Variants in KIF1B observed in about 807,000 individuals in gnomAD.
KIF1B encodes kinesin family member 1B, also known as kinesin-like protein KIF1B.
KIF1B carries 76 observed loss-of-function variants against 241.9 expected under a neutral mutation model. The ratio of observed to expected loss-of-function variants is 0.31; its 90% CI spans 0.26 to 0.38. KIF1B has a LOEUF of 0.38. KIF1B is among the 10% of genes least tolerant of loss of function. The pLI, the probability that KIF1B is intolerant of heterozygous loss-of-function variation, is 1.00. For missense variants in KIF1B, 1,622 were observed against 2,271.4 expected (o/e 0.71, Z 5.81); for synonymous variants, 750 against 796.7 (o/e 0.94, Z 0.99).
At chr1:10,307,728 AGT>A in intron 22 of KIF1B, 4 of 1,030,366 alleles carry the variant, frequency 3.9e-6, no homozygotes, top group Non-Finnish European at 4.7e-6. Flanking sequence ...ATTATAGCAA[AGT>A]GGGAAAAAAG....
rs554738044 is a variant in KIF1B, at chr1:10,235,626, C to T, written c.106+3192C>T. Reference sequence around the variant, plus strand: ...CTGTAATCCCTGCACTTTGGGAGGCCGAGGTGGGTGGATCACCTGAGGTCA... The same window carrying T: ...CTGTAATCCCTGCACTTTGGGAGGCTGAGGTGGGTGGATCACCTGAGGTCA... On this transcript the variant is annotated intron_variant, in intron 2 of 48. Transcript: ENST00000676179. Among the ~76,000 whole-genome samples the T allele has an allele frequency of 4.0e-5, 6 of 151,088 alleles. No individual in the cohort carries two copies. The South Asian group carries it at 1.0e-3, about 26-fold the overall frequency.
Position 10,365,440 on chromosome 1 carries a change from G to C in KIF1B, c.4544G>C (p.Arg1515Pro). 6.2e-7 allele frequency: 1 copy of C among 1,614,144 alleles called. No homozygotes were observed. Among genetic ancestry groups the C allele is most frequent in the Non-Finnish European group, 8.5e-7 (1 of 1,180,038 alleles). Residue 1515 changes from arginine (R) to proline (P), a missense_variant, in exon 43 of 49, where the codon CGT (arginine) becomes CCT (proline). Physicochemically the swap from Arg to Pro is moderately radical, Grantham distance 103. Transcript: ENST00000676179. The surrounding 1 kb of genome is among the most constrained non-coding windows in gnomAD (Gnocchi z 4.0). ...VEKTRHFLLL[R>P]ERLGDSIPKS... is the part of the protein sequence containing the mutation. ...AAAACCCGCCACTTTTTGCTGCTGC[G>C]TGAGAGACTTGGTGACAGCATCCCC... is the stretch of plus-strand genomic sequence containing the variant.
intron 14 of KIF1B, among the ~76,000 whole-genome samples, chr1:10,280,544 C>G (rs1020194543): frequency 6.6e-6 from 1 of 152,100 alleles, no homozygotes; most frequent in Non-Finnish European, 1.5e-5. Flanking sequence ...ACCTGAGTTG[C>G]TTATTTCTAC....
In KIF1B at chr1:10,336,610, C is replaced by A. The variant is rs60373062; in HGVS notation, c.3044-47C>A. 6.1e-5 allele frequency: 88 copies of A among 1,442,424 alleles called. 1 individual carries two copies. The East Asian group carries it at 1.7e-3, about 29-fold the overall frequency. 89.4% of individuals were successfully genotyped at this position (1,442,424 alleles called of 1,614,324 possible). ...AGCAAGAGCTTTTTCCCTCCCTCCC[C>A]CTGTGTAGTCTCACTCAATTCTTGC... On this transcript the variant is annotated intron_variant, in intron 28 of 48. Coordinates refer to ENST00000676179, the MANE Select transcript of KIF1B (RefSeq NM_001365951.3).
intron 38 of KIF1B, among the ~76,000 whole-genome samples, chr1:10,357,026 C>T (rs1368668735): frequency 6.6e-6 from 1 of 152,170 alleles, no homozygotes; most frequent in East Asian, 1.9e-4. Context: ...ACTCCAGACA[C>T]GTGCCACCAT....
chr1:10,328,157 T>G (rs989989963), intron 27 of KIF1B, among the ~76,000 whole-genome samples: 5 of 152,150 alleles, frequency 3.3e-5, no homozygotes, highest in Admixed American at 3.3e-4. Context: ...ACCACTGCAC[T>G]CCAGCCTGGG....
At chr1:10,261,816 G>A in intron 4 of KIF1B, 89 bp from the exon 5 acceptor site, 2 of 811,358 alleles carry the variant, frequency 2.5e-6, no homozygotes, top group South Asian at 2.7e-5. Flanking sequence ...AGCAAGAAAG[G>A]ACGTCTGGCT....
rs1283645338 is a variant in KIF1B, at chr1:10,379,563, G to A, written c.*2976G>A. The A allele has an allele frequency of 1.1e-4, 26 of 231,712 alleles. No individual in the cohort carries two copies. The Admixed American group carries it at 1.4e-3, about 12-fold the overall frequency. The allele number at this position is 231,712 out of a possible 1,614,324, so 14.4% of individuals were successfully genotyped here. On this transcript the variant is annotated 3_prime_UTR_variant, in exon 49 of 49. Transcript: ENST00000676179. The stretch of plus-strand genomic sequence containing the variant: ...AGGCTCTAGTTGTTGCTGTTGTGGC[G>A]GGAAAGTTAAGAAACATAGCCCTTA...
At chr1:10,317,786 G>A (rs1382234539) in intron 22 of KIF1B, among the ~76,000 whole-genome samples, 2 of 149,644 alleles carry the variant, frequency 1.3e-5, no homozygotes, top group Non-Finnish European at 2.9e-5. Flanking sequence ...AGCCGAGATC[G>A]CATCACTGCA....
Position 10,337,045 on chromosome 1 carries a change from C to T in KIF1B, c.3130-29C>T, listed in dbSNP as rs183916039. 6.1e-4 allele frequency: 990 copies of T among 1,613,992 alleles called. 4 individuals are homozygous for T. The African/African-American group carries it at 0.012, about 20-fold the overall frequency. On this transcript the variant is annotated intron_variant, in intron 29 of 48. Coordinates refer to ENST00000676179, the MANE Select transcript of KIF1B (RefSeq NM_001365951.3). The surrounding 1 kb of genome is among the most constrained non-coding windows in gnomAD (Gnocchi z 4.0). ...AAAAATACGTTTTTATACTACTTTA[C>T]CATGTATCTGCCCCTGCCTTTTTTT...
intron 9 of KIF1B, among the ~76,000 whole-genome samples, chr1:10,272,717 T>C (rs1301529878): frequency 8.1e-6 from 1 of 124,008 alleles, no homozygotes; most frequent in African/African-American, 3.3e-5. Flanking sequence ...GGCCAGTAGT[T>C]TTTTTTTTTT....
intron 2 of KIF1B, among the ~76,000 whole-genome samples, chr1:10,243,312 G>A (rs1473551068): frequency 1.3e-5 from 2 of 152,150 alleles, no homozygotes; most frequent in African/African-American, 2.4e-5. Context: ...CTAGCTACTC[G>A]GGAGGCTGAG....
chr1:10,240,831 T>C (rs991633360), intron 2 of KIF1B, among the ~76,000 whole-genome samples: 1 of 151,230 alleles, frequency 6.6e-6, no homozygotes, highest in South Asian at 2.1e-4. Flanking sequence ...CCTAAAATGC[T>C]GGTATTACAA....
intron 22 of KIF1B, among the ~76,000 whole-genome samples, chr1:10,299,692 C>T (rs1306133875): frequency 2.0e-5 from 3 of 152,184 alleles, no homozygotes; most frequent in Admixed American, 6.5e-5. Context: ...TTCCCAAATG[C>T]ATCACATTGT....
chr1:10,304,925 TAC>T (rs1428569386), intron 22 of KIF1B: 52 of 1,292,902 alleles, frequency 4.0e-5, no homozygotes, highest in Non-Finnish European at 4.3e-5. Context: ...TATACTTACT[TAC>T]ACAGACTTGT....
Position 10,352,324 on chromosome 1 carries a change from C to T in KIF1B, c.3950-307C>T, listed in dbSNP as rs115675962. On this transcript the variant is annotated intron_variant, in intron 37 of 48. Coordinates refer to ENST00000676179, the MANE Select transcript of KIF1B (RefSeq NM_001365951.3). ...GGGGGAGGTGTGAATAGCAGGGAGA[C>T]CAGTTAAATGGCTGTTGCAGGTTCC... 6.5e-3 allele frequency among the ~76,000 whole-genome samples: 992 copies of T among 152,114 alleles called. 10 individuals carry two copies. The highest frequency in any genetic ancestry group is 0.037 in the Middle Eastern group (11 of 294).
intron 1 of KIF1B, among the ~76,000 whole-genome samples, chr1:10,216,058 G>A (rs1323119889): frequency 2.0e-5 from 3 of 152,086 alleles, no homozygotes; most frequent in Admixed American, 2.0e-4. Context: ...AACCCTAATA[G>A]CAGCCATATG....
chr1:10,288,940 C>T (rs1424976241), intron 15 of KIF1B, among the ~76,000 whole-genome samples: 1 of 152,144 alleles, frequency 6.6e-6, no homozygotes, highest in African/African-American at 2.4e-5. Context: ...GTTTATTACT[C>T]ACAAGTCCTT....
rs1459348384 is a variant in KIF1B at position 10,268,242 on chromosome 1, G to A, written c.699G>A (p.Glu233=). The change falls in exon 7 of 49, where the codon GAG becomes GAA. Residue 233 remains glutamate, a synonymous_variant. Transcript: ENST00000676179. ...IVFTQKKHDN[E]TNLSTEKVSK... ...TCACCCAGAAGAAACACGATAATGA[G>A]ACCAACCTTTCCACTGAGAAGGTAG... is the stretch of plus-strand genomic sequence containing the variant. 6.2e-7 allele frequency: 1 copy of A among 1,610,922 alleles called. No individual in the cohort carries two copies. Among genetic ancestry groups the A allele is most frequent in the Non-Finnish European group, 8.5e-7 (1 of 1,177,114 alleles).
Sources: gnomAD v4.1 joint callset for allele counts (sites outside exome capture counted in the v4.1 genomes callset) on GRCh38, gnomAD v4.1.1 for gene constraint, Gnocchi (gnomAD v3.1) non-coding constraint, MANE v1.5 for transcripts, NCBI Gene and HGNC (gene_info 2026-07-23, HGNC 2026-07-21) for gene names.